The following TRIM22 variants were observed in gnomAD, a reference collection of about 807,000 sequenced individuals.
TRIM22 encodes the protein tripartite motif containing 22, also known as E3 ubiquitin-protein ligase TRIM22.
TRIM22 carries 45 observed loss-of-function variants against 53.6 expected under a neutral mutation model. The ratio of observed to expected loss-of-function variants is 0.84; its 90% confidence interval spans 0.66 to 1.08. TRIM22 has a LOEUF of 1.08. Among genes scored for constraint, TRIM22 ranks in the 50% least tolerant of loss-of-function variants. The pLI is 0.00. For missense variants in TRIM22, 616 were observed against 590.9 expected, an observed-to-expected ratio of 1.04 and a Z score of -0.44; for synonymous variants, 225 against 216.6, an observed-to-expected ratio of 1.04 and a Z score of -0.34.
chr11:5,706,336 G>A (rs1481415999), intron 4 of TRIM22, among the ~76,000 whole-genome samples: 2 of 152,084 alleles, frequency 1.3e-5, no homozygotes, highest in Non-Finnish European at 2.9e-5. Context: ...TGGGGAGGAA[G>A]GTGGATAAAA....
Position 5,709,330 on chromosome 11 carries a change from T to G in TRIM22, c.1179T>G (p.Asn393Lys). 6.2e-7 allele frequency: 1 copy of G among 1,614,142 alleles called. No individual in the cohort carries two copies. The highest frequency in any genetic ancestry group is 1.3e-5 in the African/African-American group (1 of 75,020). Residue 393 changes from asparagine to lysine, a missense_variant, in exon 8 of 8, where the codon AAT (asparagine) becomes AAG (lysine). By Grantham distance (94) the Asn-to-Lys change is moderately conservative. Transcript: ENST00000379965. ...GGTTTGCTTTTGATCCAAGTGTAAA[T>G]TATTCAAAAGTTTACTCCAGATATA... ...SSGFAFDPSV[N>K]YSKVYSRYRP...
intron 2 of TRIM22, 54 bp downstream of exon 2, chr11:5,696,709 G>A (rs1853268907): frequency 6.5e-7 from 1 of 1,533,044 alleles, no homozygotes; most frequent in South Asian, 1.3e-5. Flanking sequence ...GGTACCTAAT[G>A]TGAAATCTCC....
At chr11:5,708,417 T>C (rs534880369) in intron 6 of TRIM22, 144 bp downstream of exon 6, 2 of 974,840 alleles carry the variant, frequency 2.1e-6, no homozygotes, top group South Asian at 3.2e-5. Context: ...GATGTGGTCC[T>C]GTCTTAGGGG....
chr11:5,708,030 T>G, intron 5 of TRIM22, 143 bp from the exon 6 acceptor site: 1 of 625,412 alleles, frequency 1.6e-6, no homozygotes, highest in East Asian at 2.8e-5. Context: ...TGGACTCCAG[T>G]GTCAGGCATC....
At chr11:5,704,485 T>G (rs745818944) in intron 4 of TRIM22, among the ~76,000 whole-genome samples, 6 of 152,180 alleles carry the variant, frequency 3.9e-5, no homozygotes, top group Non-Finnish European at 5.9e-5. Context: ...TTGATTTTCT[T>G]GTTGAATTTT....
intron 4 of TRIM22, among the ~76,000 whole-genome samples, chr11:5,704,968 A>G (rs2134181773): frequency 1.3e-5 from 2 of 152,294 alleles, no homozygotes; most frequent in East Asian, 1.9e-4. Context: ...CAGCTGAGGA[A>G]TGGACCATAG....
intron 3 of TRIM22, 40 bp from the exon 4 acceptor site, chr11:5,698,275 C>A (rs1217383129): frequency 1.3e-6 from 2 of 1,570,184 alleles, no homozygotes; most frequent in Admixed American, 1.7e-5. Context: ...AGGCCTTCAA[C>A]CAGCCAGACT....
chr11:5,696,256 C>G lies in TRIM22; in HGVS notation c.24C>G (p.Asp8Glu). 6.2e-7 allele frequency: 1 copy of G among 1,612,150 alleles called. No individual in the cohort carries two copies. Among genetic ancestry groups the G allele is most frequent in the Non-Finnish European group, 8.5e-7 (1 of 1,178,902 alleles). Reference protein sequence around the residue: MDFSVKVDIEKEVTCPIC... With the variant: MDFSVKVEIEKEVTCPIC... ...CAATGGATTTCTCAGTAAAGGTAGA[C>G]ATAGAGAAGGAGGTGACCTGCCCCA... Residue 8 changes from aspartate to glutamate, a missense_variant, in exon 2 of 8, where the codon GAC becomes GAG. Physicochemically the swap from Asp to Glu is conservative, Grantham distance 45. Coordinates refer to ENST00000379965, the MANE Select transcript of TRIM22 (RefSeq NM_006074.5).
Position 5,709,755 on chromosome 11 carries a change from T to C in TRIM22, c.*107T>C. On this transcript the variant is annotated 3_prime_UTR_variant, in exon 8 of 8. Transcript: ENST00000379965. ...AGACCATCTCTTCCTTTCTTTCCCC[T>C]TCTTTTACTTAGAATGTCTTTGTAT... 1 of 979,596 alleles carries C rather than the reference T, an allele frequency of 1.0e-6. No homozygotes were observed. The allele number at this position is 979,596 out of a possible 1,614,324, so 60.7% of individuals were successfully genotyped here.
In TRIM22 at chr11:5,697,765, G is replaced by A. The variant is rs559893845; in HGVS notation, c.519+422G>A. The stretch of plus-strand genomic sequence containing the variant: ...GTCATACAGGCTGGAGTGTAGTGGC[G>A]CGATCTTGGCTCACTGCAACCTCTG... On this transcript the variant is annotated intron_variant, in intron 3 of 7. Coordinates refer to ENST00000379965, the MANE Select transcript of TRIM22 (RefSeq NM_006074.5). The A allele has an allele frequency of 4.0e-4, 67 of 168,952 alleles. 2 individuals carry two copies. The South Asian group carries it at 8.6e-3, about 22-fold the overall frequency. 10.5% of individuals were successfully genotyped at this position (168,952 alleles called of 1,614,324 possible). A position where few individuals can be genotyped will look rare whatever the true frequency, so the allele number is the denominator to read the frequency against.
intron 1 of TRIM22, chr11:5,691,290 G>A (rs935249949): frequency 2.0e-5 from 3 of 152,306 alleles, no homozygotes; most frequent in Non-Finnish European, 4.4e-5. Flanking sequence ...AACTCTAAGG[G>A]GGTCCGCGTG....
At chr11:5,700,399 G>C (rs117697392) in intron 4 of TRIM22, among the ~76,000 whole-genome samples, 6,109 of 152,038 alleles carry the variant, frequency 0.04, 178 homozygotes, top group South Asian at 0.12. Flanking sequence ...AAAGGCGTGA[G>C]CCACCGCGCC....
intron 1 of TRIM22, among the ~76,000 whole-genome samples, chr11:5,692,399 A>C (rs1029685501): frequency 4.6e-5 from 7 of 152,252 alleles, no homozygotes; most frequent in African/African-American, 1.4e-4. Flanking sequence ...TAGCTTTATG[A>C]AATCTGTCCT....
intron 4 of TRIM22, among the ~76,000 whole-genome samples, chr11:5,698,755 C>A (rs562862184): frequency 1.1e-3 from 164 of 152,300 alleles, no homozygotes; most frequent in Non-Finnish European, 2.1e-3. Flanking sequence ...TTATTATTCA[C>A]TTATGAGAGC....
chr11:5,706,567 G>T, intron 4 of TRIM22, 27 bp from the exon 5 acceptor site: 2 of 1,610,900 alleles, frequency 1.2e-6, no homozygotes, highest in South Asian at 2.2e-5. Flanking sequence ...ACCCTATCTT[G>T]ACTCATGTTT....
intron 7 of TRIM22, 57 bp downstream of exon 7, chr11:5,708,660 ATC>A: frequency 6.8e-7 from 1 of 1,473,614 alleles, no homozygotes; most frequent in Non-Finnish European, 9.3e-7. Context: ...TTACTATTAG[ATC>A]TCATAATCTG....
chr11:5,700,066 T>C (rs79410053), intron 4 of TRIM22, among the ~76,000 whole-genome samples: 12,716 of 151,794 alleles, frequency 0.084, 545 homozygotes, highest in African/African-American at 0.11. Context: ...TGGAGAATCA[T>C]GTCATCTGAG....
intron 1 of TRIM22, among the ~76,000 whole-genome samples, chr11:5,693,485 C>T (rs980855153): frequency 3.3e-5 from 5 of 151,648 alleles, no homozygotes; most frequent in African/African-American, 1.2e-4. Context: ...CTTTGGGAGG[C>T]CGAGGCGGGC....
rs1853267368 is a variant in TRIM22 at position 5,696,644 on chromosome 11, A to G, written c.412A>G (p.Lys138Glu). 1.9e-6 allele frequency: 3 copies of G among 1,609,342 alleles called. No individual in the cohort carries two copies. In the African/African-American group the frequency reaches 4.0e-5, roughly 21 times the overall value. The part of the protein sequence containing the change: ...HQTFRINEVV[K>E]ECQEKLQVAL... ...AACATTCCGCATAAACGAGGTGGTCAAGGAATGTCAGGTAGGCTCCAAGAT... is the reference window on the plus strand; with the variant it reads ...AACATTCCGCATAAACGAGGTGGTCGAGGAATGTCAGGTAGGCTCCAAGAT... The change falls in exon 2 of 8, where the codon AAG becomes GAG. Residue 138 changes from lysine (K) to glutamate (E), a missense_variant. Coordinates refer to ENST00000379965, the MANE Select transcript of TRIM22 (RefSeq NM_006074.5).
Sources: allele counts gnomAD v4.1 joint callset (sites outside exome capture counted in the v4.1 genomes callset), GRCh38; gene constraint gnomAD v4.1.1; transcripts MANE v1.5; gene names NCBI Gene and HGNC (gene_info 2026-07-23, HGNC 2026-07-21).